The following ZNF331 variants were observed in gnomAD, a reference collection of about 807,000 sequenced individuals.
ZNF331 encodes the protein zinc finger protein 331, also known as C2H2-like zinc finger protein rearranged in thyroid adenomas.
ZNF331 carries 2 observed loss-of-function variants against 7.0 expected under a neutral mutation model. The observed-to-expected ratio is 0.29, with a 90% CI of 0.12 to 0.90. ZNF331 has a LOEUF of 0.90. Among genes scored for constraint, ZNF331 ranks in the 40% least tolerant of loss-of-function variants. The probability of loss-of-function intolerance (pLI) is 0.58; values close to 1 mark genes in which losing one functional copy is unlikely to be tolerated. For synonymous variants in ZNF331, 196 were observed against 205.4 expected, an observed-to-expected ratio of 0.95 and a Z score of 0.39; for missense variants, 432 against 587.7, an observed-to-expected ratio of 0.74 and a Z score of 2.74.
chr19:53,568,770 G>T (rs1438260203), intron 3 of ZNF331, among the ~76,000 whole-genome samples: 1 of 145,968 alleles, frequency 6.9e-6, no homozygotes, highest in Non-Finnish European at 1.5e-5. Flanking sequence ...AAAAAAAAAA[G>T]TAAAGCCTCC....
rs2090559875 is a variant in ZNF331, at chr19:53,573,451, G to A, written c.136+1721G>A. 6.6e-6 allele frequency among the ~76,000 whole-genome samples: 1 copy of A among 151,910 alleles called. No individual in the cohort carries two copies. Among genetic ancestry groups the A allele is most frequent in the South Asian group, 2.1e-4 (1 of 4,812 alleles). ...AATCACTTGAACCCGGGAGGTAGAG[G>A]TATAGCATTTCTTTTTTTTTTTAAG... On this transcript the variant is annotated intron_variant, in intron 5 of 5. Transcript: ENST00000449416. This position sits in a 1 kb window ranked among gnomAD's most constrained non-coding sequence, Gnocchi z 4.2.
upstream of ZNF331, among the ~76,000 whole-genome samples, chr19:53,533,155 C>A (rs754763208): frequency 2.0e-5 from 3 of 148,314 alleles, no homozygotes; most frequent in Non-Finnish European, 4.6e-5. Flanking sequence ...CCTCTTAGAA[C>A]TGCTTTTCCT....
exon 1 of ZNF331, chr19:53,521,519 G>A (rs1198393039): frequency 6.6e-6 from 1 of 152,414 alleles, no homozygotes; most frequent in African/African-American, 2.4e-5. Context: ...CTGTGACACA[G>A]GTGTGTGTAG....
chr19:53,503,324 C>G, the ZNF331 span: 1 of 379,772 alleles, frequency 2.6e-6, no homozygotes, highest in South Asian at 2.2e-5. Flanking sequence ...AAATGTCGCT[C>G]ATGCATCACG....
At chr19:53,528,884 G>A (rs1241468616) in intron 2 of ZNF331, among the ~76,000 whole-genome samples, 2 of 151,736 alleles carry the variant, frequency 1.3e-5, no homozygotes, top group Non-Finnish European at 2.9e-5. Context: ...TCCCAGGTTT[G>A]AGCGATTCTC....
At chr19:53,551,494 G>C (rs1050353854) in intron 2 of ZNF331, among the ~76,000 whole-genome samples, 1 of 152,138 alleles carries the variant, frequency 6.6e-6, no homozygotes, top group Non-Finnish European at 1.5e-5. Context: ...AGTGATCTTT[G>C]TCTTGTTTTG....
chr19:53,557,363 C>T (rs989499743), intron 3 of ZNF331, among the ~76,000 whole-genome samples: 1 of 152,166 alleles, frequency 6.6e-6, no homozygotes, highest in Admixed American at 6.5e-5. Context: ...CAGGCGACCA[C>T]CCTCGTGCCA....
At chr19:53,575,493 C>G (rs1272488322) in intron 5 of ZNF331, among the ~76,000 whole-genome samples, 1 of 141,064 alleles carries the variant, frequency 7.1e-6, no homozygotes, top group African/African-American at 2.6e-5. Flanking sequence ...TTCTTTTACC[C>G]AGTTGCTTTT....
At chr19:53,543,410 G>A (rs10417818) in intron 2 of ZNF331, among the ~76,000 whole-genome samples, 27,528 of 151,878 alleles carry the variant, frequency 0.18, 2,601 homozygotes, top group Middle Eastern at 0.2. Context: ...TTACAAGCGC[G>A]CACCACCATG....
intron 2 of ZNF331, among the ~76,000 whole-genome samples, chr19:53,547,840 T>C (rs1166226131): frequency 6.6e-6 from 1 of 152,222 alleles, no homozygotes; most frequent in African/African-American, 2.4e-5. Context: ...AAGAAATGGC[T>C]GTTCAAGTTT....
chr19:53,559,460 ACACACCATACACACATG>A (rs1481781757), intron 3 of ZNF331, among the ~76,000 whole-genome samples: 1 of 151,400 alleles, frequency 6.6e-6, no homozygotes, highest in Non-Finnish European at 1.5e-5. Flanking sequence ...ACACATATAT[ACACACCATACACACATG>A]CACACACCAT....
At position 53,573,092 on chromosome 19, in the gene ZNF331, G is replaced by A. The variant is rs2090542842; in HGVS notation, c.136+1362G>A. Among the ~76,000 whole-genome samples the A allele has an allele frequency of 6.6e-6, 1 of 152,086 alleles. No individual in the cohort carries two copies. Among genetic ancestry groups the A allele is most frequent in the Non-Finnish European group, 1.5e-5 (1 of 68,028 alleles). Reference sequence around the variant, plus strand: ...AAATTAGCCGGGCATGGTGGCGCACGCCTGTGATCTCAGCTACTCCGGAGG... The same window carrying A: ...AAATTAGCCGGGCATGGTGGCGCACACCTGTGATCTCAGCTACTCCGGAGG... On this transcript the variant is annotated intron_variant, in intron 5 of 5. Transcript: ENST00000449416. This position sits in a 1 kb window ranked among gnomAD's most constrained non-coding sequence, Gnocchi z 4.2.
chr19:53,520,360 C>T (rs554479114), upstream of ZNF331, among the ~76,000 whole-genome samples: 1 of 152,230 alleles, frequency 6.6e-6, no homozygotes, highest in South Asian at 2.1e-4. Flanking sequence ...ACATTTCCTT[C>T]CCAGAAGGAC....
intron 3 of ZNF331, among the ~76,000 whole-genome samples, chr19:53,565,090 T>C (rs969136662): frequency 2.6e-5 from 4 of 152,168 alleles, no homozygotes; most frequent in Non-Finnish European, 5.9e-5. Context: ...TATTCGTACT[T>C]GGAATGAGAG....
intron 2 of ZNF331, among the ~76,000 whole-genome samples, chr19:53,552,969 A>G (rs554978222): frequency 1.3e-5 from 2 of 152,264 alleles, no homozygotes; most frequent in South Asian, 4.1e-4. Context: ...TCACATTCTG[A>G]AAGTTATAGA....
At chr19:53,576,212 G>A (rs750077768) in intron 5 of ZNF331, among the ~76,000 whole-genome samples, 21 of 151,050 alleles carry the variant, frequency 1.4e-4, no homozygotes, top group Non-Finnish European at 2.7e-4. Flanking sequence ...TCGGACTCCC[G>A]ACCTCAGGTG....
At chr19:53,531,289 A>T (rs1346366794) in intron 2 of ZNF331, among the ~76,000 whole-genome samples, 1 of 152,212 alleles carries the variant, frequency 6.6e-6, no homozygotes, top group Admixed American at 6.5e-5. Context: ...ATAACAACTT[A>T]TCCCGGTCAT....
chr19:53,541,316 G>A lies in ZNF331; in HGVS notation c.-138+2034G>A, dbSNP rs1388633643. Among the ~76,000 whole-genome samples, 7 of 152,088 alleles carry A rather than the reference G, an allele frequency of 4.6e-5. 1 individual carries two copies. The highest frequency in any genetic ancestry group is 4.6e-4 in the Admixed American group (7 of 15,280). On this transcript the variant is annotated intron_variant, in intron 2 of 5. Coordinates refer to ENST00000449416, the MANE Select transcript of ZNF331 (RefSeq NM_001079906.2). ...GACGGGGTTTCTCTTTTGTTGGTCA[G>A]GCTGGTCTCGAGCTCCCGACCTCAG...
chr19:53,506,228 G>A, the ZNF331 span, among the ~76,000 whole-genome samples: 55,329 of 108,826 alleles, frequency 0.51, 14,708 homozygotes, highest in African/African-American at 0.64. Context: ...CCAGCTACTC[G>A]GGAGGCTGAG....
Sources: allele counts gnomAD v4.1 joint callset (sites outside exome capture counted in the v4.1 genomes callset), GRCh38; gene constraint gnomAD v4.1.1; non-coding constraint Gnocchi (gnomAD v3.1); transcripts MANE v1.5; gene names NCBI Gene and HGNC (gene_info 2026-07-23, HGNC 2026-07-21).